Variants in UNC5C observed in about 807,000 individuals in gnomAD.
UNC5C encodes unc-5 netrin receptor C, also known as netrin receptor UNC5C.
UNC5C carries 47 observed loss-of-function variants against 99.8 expected under a neutral mutation model. That is an observed-to-expected ratio of 0.47 (90% CI 0.37 to 0.60). The LOEUF is 0.60. UNC5C is among the 20% of genes least tolerant of loss of function. The probability of loss-of-function intolerance (pLI) is 0.00; values close to 1 mark genes in which losing one functional copy is unlikely to be tolerated. For synonymous variants in UNC5C, 487 were observed against 452.2 expected, an observed-to-expected ratio of 1.08 and a Z score of -0.98; for missense variants, 1,062 against 1,165.9, an observed-to-expected ratio of 0.91 and a Z score of 1.30.
At chr4:95,176,525 G>T (rs1736352983) in intron 14 of UNC5C, among the ~76,000 whole-genome samples, 1 of 151,930 alleles carries the variant, frequency 6.6e-6, no homozygotes, top group Admixed American at 6.5e-5. Context: ...GTCTGCCCCT[G>T]CTGGGGGGTG....
chr4:95,394,321 A>G (rs1395928751), intron 1 of UNC5C, among the ~76,000 whole-genome samples: 2 of 151,948 alleles, frequency 1.3e-5, no homozygotes, highest in African/African-American at 4.8e-5. Context: ...AAATCTCACG[A>G]ATGGGGGGTG....
At chr4:95,250,690 G>T in intron 4 of UNC5C, 23 bp from the exon 5 acceptor site, 1 of 1,609,574 alleles carries the variant, frequency 6.2e-7, no homozygotes, top group Non-Finnish European at 8.5e-7. Flanking sequence ...GAGAAAAGTA[G>T]ATAAATCCTC....
At chr4:95,227,891 G>A (rs982509408) in intron 7 of UNC5C, among the ~76,000 whole-genome samples, 15 of 152,194 alleles carry the variant, frequency 9.9e-5, no homozygotes, top group African/African-American at 3.4e-4. Context: ...GCTGCTGGTA[G>A]TAAAGTGACT....
chr4:95,482,312 C>T (rs1349111751), intron 1 of UNC5C, among the ~76,000 whole-genome samples: 2 of 151,192 alleles, frequency 1.3e-5, no homozygotes. Flanking sequence ...CAATGAGATA[C>T]CATCTCACAC....
At chr4:95,176,351 GT>G (rs1736343069) in intron 14 of UNC5C, among the ~76,000 whole-genome samples, 2 of 152,058 alleles carry the variant, frequency 1.3e-5, no homozygotes, top group East Asian at 1.9e-4. Flanking sequence ...TTTCTGCTCT[GT>G]TTTTTCCCCA....
intron 1 of UNC5C, among the ~76,000 whole-genome samples, chr4:95,536,082 ATT>A (rs940269233): frequency 1.5e-3 from 120 of 78,448 alleles, no homozygotes; most frequent in African/African-American, 4.0e-3. Context: ...ATATATATAT[ATT>A]TTTTTTTTTT....
At chr4:95,354,437 G>T (rs1744097443) in intron 1 of UNC5C, among the ~76,000 whole-genome samples, 1 of 140,432 alleles carries the variant, frequency 7.1e-6, no homozygotes, top group Non-Finnish European at 1.5e-5. Flanking sequence ...TGTCTTCAAT[G>T]ACTTTTCTAT....
rs1049149477 is a variant in UNC5C, at chr4:95,447,833, A to T, written c.124+100901T>A. Among the ~76,000 whole-genome samples the T allele has an allele frequency of 6.6e-5, 10 of 152,244 alleles. No homozygotes were observed. The East Asian group carries it at 1.7e-3, about 27-fold the overall frequency. On this transcript the variant is annotated intron_variant, in intron 1 of 15. Transcript: ENST00000453304. ...ATTTTAGATTCATTAAGACGCAATG[A>T]TAGGAAATAAATAGTCTACCGTAAG...
intron 1 of UNC5C, among the ~76,000 whole-genome samples, chr4:95,530,667 T>A (rs984155271): frequency 1.3e-5 from 2 of 152,202 alleles, no homozygotes; most frequent in African/African-American, 4.8e-5. Flanking sequence ...GCTGGCATCA[T>A]CAATTGACAT....
rs550391401 is a variant in UNC5C, at chr4:95,430,291, T to G, written c.125-94660A>C. Among the ~76,000 whole-genome samples, 10 of 152,154 alleles carry G rather than the reference T, an allele frequency of 6.6e-5. No homozygotes were observed. The South Asian group carries it at 2.1e-3, about 32-fold the overall frequency. On this transcript the variant is annotated intron_variant, in intron 1 of 15. Transcript: ENST00000453304. Reference sequence around the variant, plus strand: ...GCCATCTGTGGGATAGCTCTGTACCTCTCTCTCAAATTTGCTGTGAACTTC... The same window carrying G: ...GCCATCTGTGGGATAGCTCTGTACCGCTCTCTCAAATTTGCTGTGAACTTC...
intron 1 of UNC5C, among the ~76,000 whole-genome samples, chr4:95,490,754 T>G (rs1721459679): frequency 6.6e-6 from 1 of 151,802 alleles, no homozygotes; most frequent in Non-Finnish European, 1.5e-5. Context: ...AGTTTTTCAC[T>G]TGTGCTAAAG....
At chr4:95,282,420 G>A (rs916664730) in intron 3 of UNC5C, among the ~76,000 whole-genome samples, 7 of 152,090 alleles carry the variant, frequency 4.6e-5, no homozygotes, top group Non-Finnish European at 8.8e-5. Context: ...GGTACTGTAG[G>A]GGCGGAGGGA....
chr4:95,385,717 C>A (rs539604280), intron 1 of UNC5C, among the ~76,000 whole-genome samples: 1 of 152,260 alleles, frequency 6.6e-6, no homozygotes, highest in East Asian at 1.9e-4. Flanking sequence ...ATGATTCTTC[C>A]AGTAGACAGA....
intron 5 of UNC5C, chr4:95,248,163 T>A (rs933464634): frequency 1.1e-5 from 2 of 179,036 alleles, no homozygotes; most frequent in Non-Finnish European, 2.4e-5. Flanking sequence ...CACACATCCA[T>A]CTGAATGGTA....
chr4:95,372,252 G>A (rs1037032781), intron 1 of UNC5C, among the ~76,000 whole-genome samples: 4 of 152,124 alleles, frequency 2.6e-5, no homozygotes, highest in Non-Finnish European at 4.4e-5. Flanking sequence ...GGTGCAGTAG[G>A]CATGCTGCAG....
chr4:95,395,613 C>A (rs1253127604), intron 1 of UNC5C, among the ~76,000 whole-genome samples: 1 of 152,134 alleles, frequency 6.6e-6, no homozygotes, highest in Non-Finnish European at 1.5e-5. Context: ...ATAAAGTTTT[C>A]ATCTATATTA....
chr4:95,364,190 C>T (rs1469616576), intron 1 of UNC5C, among the ~76,000 whole-genome samples: 1 of 152,084 alleles, frequency 6.6e-6, no homozygotes, highest in Non-Finnish European at 1.5e-5. Flanking sequence ...TGTAGCTGAG[C>T]TGGCAAAATA....
intron 1 of UNC5C, among the ~76,000 whole-genome samples, chr4:95,349,350 T>G (rs544865561): frequency 3.0e-5 from 4 of 131,812 alleles, no homozygotes; most frequent in East Asian, 2.5e-4. Context: ...TGGGTGTGTG[T>G]GGGTGGGTGG....
chr4:95,495,293 T>A (rs1560484239), intron 1 of UNC5C, among the ~76,000 whole-genome samples: 1 of 151,510 alleles, frequency 6.6e-6, no homozygotes, highest in Non-Finnish European at 1.5e-5. Flanking sequence ...TGTAACTCTG[T>A]CAGTTTTAAG....
Sources: allele counts gnomAD v4.1 joint callset (sites outside exome capture counted in the v4.1 genomes callset), GRCh38; gene constraint gnomAD v4.1.1; transcripts MANE v1.5; gene names NCBI Gene and HGNC (gene_info 2026-07-23, HGNC 2026-07-21).